Variants in GRIK4 observed in about 807,000 individuals in gnomAD.
GRIK4 encodes the protein glutamate ionotropic receptor kainate type subunit 4.
Under a neutral mutation model 104.9 loss-of-function variants are expected in GRIK4, and 40 were observed. That is an observed-to-expected ratio of 0.38 (90% confidence interval 0.30 to 0.50). The LOEUF is 0.50. GRIK4 is among the 20% of genes least tolerant of loss of function. The probability of loss-of-function intolerance (pLI) is 0.93; values close to 1 mark genes in which losing one functional copy is unlikely to be tolerated. For synonymous variants in GRIK4, 485 were observed against 524.9 expected (o/e 0.92, Z 1.04); for missense variants, 1,047 against 1,308.1 (o/e 0.80, Z 3.08).
intron 6 of GRIK4, among the ~76,000 whole-genome samples, chr11:120,823,532 C>A (rs879759540): frequency 6.6e-6 from 1 of 152,178 alleles, no homozygotes; most frequent in African/African-American, 2.4e-5. Flanking sequence ...ACAGCTGGTA[C>A]GTGGCAAAGC....
Position 120,986,383 on chromosome 11 carries a change from A to G in GRIK4, c.*123A>G. 6 of 1,258,868 alleles carry G rather than the reference A, an allele frequency of 4.8e-6. No homozygotes were observed. Among genetic ancestry groups the G allele is most frequent in the Non-Finnish European group, 6.2e-6 (6 of 965,922 alleles). The allele number at this position is 1,258,868 out of a possible 1,614,324, so 78.0% of individuals were successfully genotyped here. On this transcript the variant is annotated 3_prime_UTR_variant, in exon 21 of 21. Coordinates refer to ENST00000527524, the MANE Select transcript of GRIK4 (RefSeq NM_014619.5). ...CGACACCTCTCCAGATTTCGGATCC[A>G]GTCACTTTTCAAAAAGATCAAGGAG...
chr11:120,570,076 T>A (rs894849862), intron 1 of GRIK4, among the ~76,000 whole-genome samples: 1 of 152,202 alleles, frequency 6.6e-6, no homozygotes, highest in African/African-American at 2.4e-5. Flanking sequence ...GCCCCTCCTG[T>A]TGGTGGCAAC....
chr11:120,861,704 C>T (rs1335779946), intron 8 of GRIK4, among the ~76,000 whole-genome samples: 1 of 152,166 alleles, frequency 6.6e-6, no homozygotes. Context: ...TTTTTTCTTT[C>T]TCTCTCTAGC....
chr11:120,794,190 C>T (rs12291773), intron 3 of GRIK4, among the ~76,000 whole-genome samples: 1 of 142,190 alleles, frequency 7.0e-6, no homozygotes, highest in Admixed American at 6.9e-5. Flanking sequence ...GTTGTTAGGG[C>T]TGAGAGCCGG....
intron 14 of GRIK4, among the ~76,000 whole-genome samples, chr11:120,951,866 G>A (rs1038510795): frequency 1.3e-5 from 2 of 152,140 alleles, no homozygotes; most frequent in African/African-American, 4.8e-5. Context: ...ATTATTTAAC[G>A]CTGGCAACTA....
At chr11:120,979,898 T>G (rs952686986) in intron 19 of GRIK4, among the ~76,000 whole-genome samples, 1 of 152,192 alleles carries the variant, frequency 6.6e-6, no homozygotes, top group Non-Finnish European at 1.5e-5. Flanking sequence ...TGGGGCACGA[T>G]GTCGGATCAA....
chr11:120,734,086 A>T (rs113208238), intron 3 of GRIK4, among the ~76,000 whole-genome samples: 1,796 of 152,260 alleles, frequency 0.012, 28 homozygotes, highest in African/African-American at 0.041. Context: ...CAATTCCAGG[A>T]TTATAATATT....
chr11:120,785,716 G>C (rs969677551), intron 3 of GRIK4, among the ~76,000 whole-genome samples: 1 of 152,196 alleles, frequency 6.6e-6, no homozygotes, highest in Non-Finnish European at 1.5e-5. Context: ...TCCTGCACTT[G>C]GGGTGTTTCC....
At chr11:120,747,745 T>G (rs1004937136) in intron 3 of GRIK4, among the ~76,000 whole-genome samples, 17 of 152,376 alleles carry the variant, frequency 1.1e-4, no homozygotes, top group African/African-American at 4.1e-4. Flanking sequence ...GTTAATATTG[T>G]GAACATTATT....
chr11:120,560,422 G>T (rs1347403702), intron 1 of GRIK4, among the ~76,000 whole-genome samples: 4 of 152,194 alleles, frequency 2.6e-5, no homozygotes, highest in Admixed American at 2.6e-4. Context: ...CCACACAGCA[G>T]TGCTCTGGGT....
intron 1 of GRIK4, among the ~76,000 whole-genome samples, chr11:120,530,183 T>C (rs60323374): frequency 0.031 from 4,729 of 152,324 alleles, 242 homozygotes; most frequent in African/African-American, 0.11. Flanking sequence ...CCAGGACATG[T>C]AGGGCTAATT....
chr11:120,577,652 A>G (rs926472912), intron 1 of GRIK4, among the ~76,000 whole-genome samples: 5 of 152,024 alleles, frequency 3.3e-5, no homozygotes, highest in African/African-American at 1.2e-4. Flanking sequence ...TCACAGAGTC[A>G]TTTTGCCTTT....
At chr11:120,681,146 C>G (rs1950185966) in intron 3 of GRIK4, among the ~76,000 whole-genome samples, 1 of 152,074 alleles carries the variant, frequency 6.6e-6, no homozygotes, top group Non-Finnish European at 1.5e-5. Flanking sequence ...AGGGCTTTAG[C>G]CAGATGTCAG....
chr11:120,825,583 CT>C (rs1290431373), intron 6 of GRIK4, among the ~76,000 whole-genome samples: 6 of 152,316 alleles, frequency 3.9e-5, no homozygotes, highest in African/African-American at 1.4e-4. Context: ...GTGGCCCAGG[CT>C]ACTAGAGAGG....
At chr11:120,917,269 A>AAAAAAAAG (rs1463389337) in intron 13 of GRIK4, among the ~76,000 whole-genome samples, 34 of 138,340 alleles carry the variant, frequency 2.5e-4, no homozygotes, top group African/African-American at 5.8e-4. Context: ...AAAAAAAAAA[A>AAAAAAAAG]AAAGAAAGAA....
At chr11:120,518,161 G>A (rs564639735) in intron 1 of GRIK4, among the ~76,000 whole-genome samples, 3 of 152,246 alleles carry the variant, frequency 2.0e-5, no homozygotes, top group East Asian at 3.9e-4. Flanking sequence ...GCTGTGTGGT[G>A]CAATGGTTGG....
At chr11:120,842,375 C>T (rs879871891) in intron 8 of GRIK4, among the ~76,000 whole-genome samples, 3 of 152,186 alleles carry the variant, frequency 2.0e-5, no homozygotes, top group Non-Finnish European at 4.4e-5. Context: ...ATTATTTCAG[C>T]TCACAATTCC....
At chr11:120,794,452 C>G (rs1952471195) in intron 3 of GRIK4, among the ~76,000 whole-genome samples, 1 of 151,980 alleles carries the variant, frequency 6.6e-6, no homozygotes, top group Non-Finnish European at 1.5e-5. Context: ...AAGCCCCACC[C>G]CCTAAGACAT....
intron 13 of GRIK4, among the ~76,000 whole-genome samples, chr11:120,915,143 C>T (rs1229846410): frequency 6.6e-6 from 1 of 152,098 alleles, no homozygotes; most frequent in African/African-American, 2.4e-5. Flanking sequence ...CATAGCGATC[C>T]CTGCATGCAA....
Sources: allele counts gnomAD v4.1 joint callset (sites outside exome capture counted in the v4.1 genomes callset), GRCh38; gene constraint gnomAD v4.1.1; transcripts MANE v1.5; gene names NCBI Gene and HGNC (gene_info 2026-07-23, HGNC 2026-07-21).